Variants in SPATS2 observed in about 807,000 individuals in gnomAD.
SPATS2 encodes the protein spermatogenesis-associated serine-rich protein 2.
SPATS2 carries 38 observed loss-of-function variants against 63.7 expected under a neutral mutation model. The observed-to-expected ratio is 0.60, with a 90% CI of 0.46 to 0.78. The LOEUF (loss-of-function observed/expected upper bound fraction) is 0.78, where lower values mean the gene tolerates loss of function less well. Ranked by LOEUF, SPATS2 falls within the 30% of genes least tolerant of loss-of-function variation. SPATS2 has a pLI of 0.00. For missense variants in SPATS2, 588 were observed against 666.2 expected (o/e 0.88, Z 1.29); for synonymous variants, 207 against 232.9 (o/e 0.89, Z 1.01).
At chr12:49,497,655 A>G (rs1378007405) in intron 8 of SPATS2, among the ~76,000 whole-genome samples, 4 of 152,060 alleles carry the variant, frequency 2.6e-5, no homozygotes, top group African/African-American at 9.7e-5. Context: ...CGGCCTCCCA[A>G]AGTGCTGGAA....
At chr12:49,452,500 T>C (rs1017786971) in intron 2 of SPATS2, among the ~76,000 whole-genome samples, 8 of 152,096 alleles carry the variant, frequency 5.3e-5, no homozygotes, top group African/African-American at 1.7e-4. Context: ...GCTGGTCTTA[T>C]ACTCCTGGCC....
chr12:49,437,715 G>A (rs1387185268), intron 2 of SPATS2, among the ~76,000 whole-genome samples: 3 of 152,076 alleles, frequency 2.0e-5, no homozygotes, highest in Admixed American at 2.0e-4. Flanking sequence ...TGCAATCGCA[G>A]GCACTGGGCA....
chr12:49,417,882 A>G (rs1335435676), intron 2 of SPATS2, among the ~76,000 whole-genome samples: 1 of 152,086 alleles, frequency 6.6e-6, no homozygotes, highest in Non-Finnish European at 1.5e-5. Context: ...ATTAGCATGT[A>G]TGTGTTTATG....
intron 6 of SPATS2, 39 bp downstream of exon 6, chr12:49,490,770 AT>A (rs773856390): frequency 1.3e-6 from 2 of 1,587,154 alleles, no homozygotes; most frequent in Admixed American, 3.4e-5. Context: ...TGATGTGTAT[AT>A]TATTTTTAAA....
At chr12:49,484,442 A>G in intron 3 of SPATS2, 148 bp from the exon 4 acceptor site, 2 of 614,366 alleles carry the variant, frequency 3.3e-6, no homozygotes, top group Non-Finnish European at 5.8e-6. Context: ...AGGCAGTTAT[A>G]TGTTATCTAT....
At chr12:49,377,338 C>A (rs1053747595) in intron 2 of SPATS2, among the ~76,000 whole-genome samples, 2 of 152,060 alleles carry the variant, frequency 1.3e-5, no homozygotes, top group African/African-American at 4.8e-5. Context: ...GGGAACAATG[C>A]GTAACAACGA....
At chr12:49,407,707 G>A (rs1944720944) in intron 2 of SPATS2, among the ~76,000 whole-genome samples, 1 of 152,108 alleles carries the variant, frequency 6.6e-6, no homozygotes, top group Admixed American at 6.6e-5. Context: ...GATAGGCTCT[G>A]TGTGTATTTT....
At chr12:49,399,201 T>C (rs981117977) in intron 2 of SPATS2, among the ~76,000 whole-genome samples, 9 of 152,194 alleles carry the variant, frequency 5.9e-5, no homozygotes, top group Admixed American at 2.6e-4. Flanking sequence ...ATCAAAGTTA[T>C]GTGTGAATAT....
chr12:49,408,636 G>T (rs143701582), intron 2 of SPATS2, among the ~76,000 whole-genome samples: 1,851 of 143,702 alleles, frequency 0.013, 42 homozygotes, highest in African/African-American at 0.04. Context: ...GCTCACTGCA[G>T]TCTCCGCCTC....
intron 2 of SPATS2, among the ~76,000 whole-genome samples, chr12:49,393,534 A>G (rs1944456448): frequency 6.6e-6 from 1 of 152,158 alleles, no homozygotes; most frequent in South Asian, 2.1e-4. Flanking sequence ...CTTTGTTCGT[A>G]TTTAGAATAA....
intron 2 of SPATS2, among the ~76,000 whole-genome samples, chr12:49,400,447 G>A (rs1392356801): frequency 2.0e-5 from 3 of 152,150 alleles, no homozygotes; most frequent in Non-Finnish European, 4.4e-5. Context: ...CTGAGAGTAT[G>A]TTTCTACAGT....
chr12:49,381,926 G>A (rs909923118), intron 2 of SPATS2, among the ~76,000 whole-genome samples: 1 of 152,172 alleles, frequency 6.6e-6, no homozygotes, highest in African/African-American at 2.4e-5. Flanking sequence ...TTTGGAGTGA[G>A]ACAGTAGCTT....
chr12:49,379,316 G>A (rs1189480000), intron 2 of SPATS2, among the ~76,000 whole-genome samples: 1 of 150,698 alleles, frequency 6.6e-6, no homozygotes, highest in African/African-American at 2.4e-5. Context: ...GGGAGGCTGA[G>A]GTGGGTGGAT....
chr12:49,423,446 T>G (rs958281174), intron 2 of SPATS2, among the ~76,000 whole-genome samples: 32 of 152,132 alleles, frequency 2.1e-4, no homozygotes, highest in African/African-American at 7.7e-4. Flanking sequence ...ACTCTATTTT[T>G]TAAAATCCCT....
At position 49,398,714 on chromosome 12, in the gene SPATS2, T is replaced by C. The variant is rs1399629637; in HGVS notation, c.-244+27424T>C. Among the ~76,000 whole-genome samples the C allele has an allele frequency of 2.0e-5, 3 of 152,262 alleles. No homozygotes were observed. The East Asian group carries it at 5.8e-4, about 29-fold the overall frequency. ...ACTTGGATTACGGATATTCTTTTTTTCCCCTCACACACTTAATCCTTTATA... is the reference window on the plus strand; with the variant it reads ...ACTTGGATTACGGATATTCTTTTTTCCCCCTCACACACTTAATCCTTTATA... On this transcript the variant is annotated intron_variant, in intron 2 of 13. Transcript: ENST00000552918.
chr12:49,382,930 C>T (rs1038806888), intron 2 of SPATS2, among the ~76,000 whole-genome samples: 13 of 151,836 alleles, frequency 8.6e-5, no homozygotes, highest in Admixed American at 5.3e-4. Flanking sequence ...GTCACGAACT[C>T]CTGACCTCAG....
intron 2 of SPATS2, among the ~76,000 whole-genome samples, chr12:49,399,571 G>T (rs1380372058): frequency 6.6e-6 from 1 of 152,174 alleles, no homozygotes; most frequent in Non-Finnish European, 1.5e-5. Context: ...ACTTTCATGG[G>T]AATTTAAACT....
intron 2 of SPATS2, among the ~76,000 whole-genome samples, chr12:49,403,070 A>C (rs529558136): frequency 6.6e-6 from 1 of 152,290 alleles, no homozygotes; most frequent in East Asian, 1.9e-4. Context: ...AGGATTCAGA[A>C]TGACCTGAGA....
intron 2 of SPATS2, among the ~76,000 whole-genome samples, chr12:49,378,013 C>T (rs1458862348): frequency 6.6e-6 from 1 of 152,142 alleles, no homozygotes; most frequent in Non-Finnish European, 1.5e-5. Flanking sequence ...GCTCTTGACA[C>T]CCAGGCTGGA....
Sources: allele counts gnomAD v4.1 joint callset (sites outside exome capture counted in the v4.1 genomes callset), GRCh38; gene constraint gnomAD v4.1.1; transcripts MANE v1.5; gene names NCBI Gene and HGNC (gene_info 2026-07-23, HGNC 2026-07-21).